Variants in DMD observed in about 807,000 individuals in gnomAD.
The protein encoded by DMD is dystrophin, also known as mutant dystrophin.
A neutral mutation model predicts 330.1 loss-of-function variants in DMD; 63 were observed. The ratio of observed to expected loss-of-function variants is 0.19; its 90% CI spans 0.16 to 0.24. DMD has a LOEUF of 0.24. DMD is among the 10% of genes least tolerant of loss of function. The probability of loss-of-function intolerance (pLI) is 1.00; values close to 1 mark genes in which losing one functional copy is unlikely to be tolerated. For missense variants in DMD, 3,344 were observed against 2,684.1 expected (o/e 1.25, Z -5.43); for synonymous variants, 1,223 against 959.8 (o/e 1.27, Z -5.07).
rs1466733981 is a variant in DMD at position 31,238,654 on chromosome X, C to G, written c.9287-15533G>C. 3.6e-5 allele frequency among the ~76,000 whole-genome samples: 4 copies of G among 112,050 alleles called. No individual in the cohort carries two copies. In the East Asian group the frequency reaches 1.1e-3, roughly 31 times the overall value. ...CTTCCCTACGGTTGCATCCCAGAGC[C>G]TGCATTCAAGACCAAATCTTTCTGA... On this transcript the variant is annotated intron_variant, in intron 63 of 78. Transcript: ENST00000357033.
chrX:32,817,248 C>T (rs2077837214), intron 5 of DMD, among the ~76,000 whole-genome samples: 1 of 110,550 alleles, frequency 9.0e-6, no homozygotes, highest in South Asian at 3.8e-4. Context: ...GAAAAGAAGA[C>T]AGAAATGTTT....
intron 43 of DMD, among the ~76,000 whole-genome samples, chrX:32,266,221 T>C (rs1445996876): frequency 1.8e-5 from 2 of 111,497 alleles, no homozygotes; most frequent in Admixed American, 1.9e-4. Flanking sequence ...TTTCCCCCTT[T>C]GCTCAGCACT....
chrX:32,153,311 T>C (rs776033386), intron 44 of DMD, among the ~76,000 whole-genome samples: 2 of 112,056 alleles, frequency 1.8e-5, no homozygotes, highest in Admixed American at 1.9e-4. Context: ...CCTTTAAGTG[T>C]TATTTTTTAC....
intron 45 of DMD, among the ~76,000 whole-genome samples, chrX:31,959,613 A>G (rs1415173700): frequency 9.0e-6 from 1 of 110,940 alleles, no homozygotes; most frequent in Non-Finnish European, 1.9e-5. Context: ...ACATTTCATA[A>G]TCTGTGACTT....
intron 18 of DMD, among the ~76,000 whole-genome samples, chrX:32,510,586 T>C (rs779539402): frequency 8.9e-6 from 1 of 111,872 alleles, no homozygotes; most frequent in Admixed American, 9.5e-5. Flanking sequence ...TGGTACATTA[T>C]AGGTACATAA....
At chrX:33,317,570 ATG>A (rs770614107) in intron 1 of DMD, among the ~76,000 whole-genome samples, 1 of 111,721 alleles carries the variant, frequency 9.0e-6, no homozygotes, top group East Asian at 2.8e-4. Context: ...TTAATAAAGT[ATG>A]TGTTATCAAA....
At chrX:31,868,562 G>C (rs1265461448) in intron 48 of DMD, among the ~76,000 whole-genome samples, 1 of 111,921 alleles carries the variant, frequency 8.9e-6, no homozygotes, top group Non-Finnish European at 1.9e-5. Flanking sequence ...CATAGAGTCA[G>C]ATGTGACCAG....
intron 52 of DMD, among the ~76,000 whole-genome samples, chrX:31,705,399 A>G (rs1697692338): frequency 8.8e-6 from 1 of 113,024 alleles, no homozygotes; most frequent in Admixed American, 9.3e-5. Context: ...ACAGGGTTAT[A>G]AAAACCTCAC....
chrX:31,145,356 C>G (rs751582353), intron 76 of DMD, among the ~76,000 whole-genome samples: 20 of 111,542 alleles, frequency 1.8e-4, no homozygotes, highest in South Asian at 7.6e-4. Context: ...TCCCATTACC[C>G]AAATGGAGGT....
Position 33,123,581 on chromosome X carries a change from C to A in DMD, c.31+87701G>T, listed in dbSNP as rs142441969. 3.3e-3 allele frequency among the ~76,000 whole-genome samples: 359 copies of A among 109,857 alleles called. 1 individual carries two copies. Among genetic ancestry groups the A allele is most frequent in the African/African-American group, 0.011 (336 of 30,195 alleles). On this transcript the variant is annotated intron_variant, in intron 1 of 78. Coordinates refer to ENST00000357033, the MANE Select transcript of DMD (RefSeq NM_004006.3). ...TCAGGAACCTGCCACCACAACCTGGCTAATTTTTGTATTTTTAGGAGAGAC... is the reference window on the plus strand; with the variant it reads ...TCAGGAACCTGCCACCACAACCTGGATAATTTTTGTATTTTTAGGAGAGAC...
At chrX:32,923,994 TA>T (rs2088718030) in intron 2 of DMD, among the ~76,000 whole-genome samples, 1 of 111,895 alleles carries the variant, frequency 8.9e-6, no homozygotes. Context: ...AGTACCTGAA[TA>T]ATGTTGAGCA....
At chrX:33,305,663 AGTTT>A (rs756824127) in intron 1 of DMD, among the ~76,000 whole-genome samples, 6 of 110,903 alleles carry the variant, frequency 5.4e-5, no homozygotes, top group African/African-American at 2.0e-4. Flanking sequence ...TAATGTCAGA[AGTTT>A]GTTTGCACAC....
chrX:32,651,873 C>A (rs990084530), intron 9 of DMD, among the ~76,000 whole-genome samples: 3 of 112,149 alleles, frequency 2.7e-5, no homozygotes, highest in Non-Finnish European at 3.8e-5. Context: ...CTAACAAATT[C>A]TTTCTAAAAG....
At chrX:32,612,788 G>T (rs1297001970) in intron 12 of DMD, among the ~76,000 whole-genome samples, 1 of 110,815 alleles carries the variant, frequency 9.0e-6, no homozygotes, top group African/African-American at 3.3e-5. Flanking sequence ...TTTTCCTGAT[G>T]GCATAGCAGA....
At chrX:31,849,181 G>C (rs998634714) in intron 48 of DMD, among the ~76,000 whole-genome samples, 1 of 108,791 alleles carries the variant, frequency 9.2e-6, no homozygotes, top group Non-Finnish European at 1.9e-5. Context: ...ACATTATAAG[G>C]AGGACATAAA....
chrX:31,770,471 G>C (rs1207389813), intron 51 of DMD, among the ~76,000 whole-genome samples: 4 of 111,799 alleles, frequency 3.6e-5, no homozygotes, highest in Non-Finnish European at 7.5e-5. Flanking sequence ...TCAGTGAAAA[G>C]CACAGTCTGT....
At chrX:32,422,637 T>G (rs2098194864) in intron 29 of DMD, among the ~76,000 whole-genome samples, 1 of 111,689 alleles carries the variant, frequency 9.0e-6, no homozygotes, top group South Asian at 3.7e-4. Context: ...AATGAAAAAT[T>G]ACTAATAAAT....
At chrX:32,678,421 T>G (rs768006397) in intron 9 of DMD, among the ~76,000 whole-genome samples, 1 of 111,629 alleles carries the variant, frequency 9.0e-6, no homozygotes, top group African/African-American at 3.3e-5. Flanking sequence ...TAATATACCT[T>G]AAGTCACACA....
chrX:32,099,908 T>C (rs986414279), intron 44 of DMD, among the ~76,000 whole-genome samples: 1 of 109,047 alleles, frequency 9.2e-6, no homozygotes, highest in Non-Finnish European at 1.9e-5. Context: ...AAAAAAAGGA[T>C]GTATCCTACC....
Sources: gnomAD v4.1 joint callset for allele counts (sites outside exome capture counted in the v4.1 genomes callset) on GRCh38, gnomAD v4.1.1 for gene constraint, MANE v1.5 for transcripts, NCBI Gene and HGNC (gene_info 2026-07-23, HGNC 2026-07-21) for gene names.